Variants in EDA2R observed in about 807,000 individuals in gnomAD.
EDA2R encodes ectodysplasin A2 receptor.
In EDA2R, 26 loss-of-function variants were observed where a neutral mutation model predicts 20.1. The ratio of observed to expected loss-of-function variants is 1.30; its 90% CI spans 0.95 to 1.80. EDA2R has a LOEUF of 1.80. Among genes scored for constraint, EDA2R ranks in the 40% most tolerant of loss-of-function variants. The probability of loss-of-function intolerance (pLI) is 0.00; values close to 1 mark genes in which losing one functional copy is unlikely to be tolerated. For synonymous variants in EDA2R, 114 were observed against 88.7 expected (o/e 1.29, Z -1.60); for missense variants, 277 against 228.7 (o/e 1.21, Z -1.36).
In EDA2R at chrX:66,620,965, CAA is replaced by C. The variant is rs376190384; in HGVS notation, c.-10-4937_-10-4936del. ...TAAAACAGCACTTTATATCCACTAC[CAA>C]AAAAAAAAAAAAAAAAAAAAAATAG... On this transcript the variant is annotated intron_variant, in intron 1 of 6. Coordinates refer to ENST00000374719, the MANE Select transcript of EDA2R (RefSeq NM_021783.5). 5.6e-3 allele frequency among the ~76,000 whole-genome samples: 311 copies of C among 55,269 alleles called. 6 individuals are homozygous for C. Among genetic ancestry groups the C allele is most frequent in the African/African-American group, 0.016 (295 of 17,933 alleles). 48.0% of individuals were successfully genotyped at this position (55,269 alleles called of 115,157 possible). A position where few individuals can be genotyped will look rare whatever the true frequency, so the allele number is the denominator to read the frequency against.
intron 6 of EDA2R, 120 bp downstream of exon 6, chrX:66,599,354 C>A: frequency 1.2e-6 from 1 of 837,005 alleles, no homozygotes. Flanking sequence ...GTGTTCCTAG[C>A]TTGCTGCTGT....
chrX:66,633,710 A>C (rs1934064221), intron 1 of EDA2R, among the ~76,000 whole-genome samples: 1 of 111,661 alleles, frequency 9.0e-6, no homozygotes. Flanking sequence ...TCATGTACCA[A>C]TCACCACAAG....
At chrX:66,606,656 A>T (rs1929732741) in intron 2 of EDA2R, among the ~76,000 whole-genome samples, 4 of 112,243 alleles carry the variant, frequency 3.6e-5, no homozygotes, top group African/African-American at 1.3e-4. Context: ...CTTGAAAATA[A>T]TAGGAAAGTT....
chrX:66,635,323 G>C (rs1220054585), intron 1 of EDA2R, among the ~76,000 whole-genome samples: 1 of 112,281 alleles, frequency 8.9e-6, no homozygotes, highest in East Asian at 2.8e-4. Flanking sequence ...CAAAATAATA[G>C]TAGTCGTATT....
intron 1 of EDA2R, among the ~76,000 whole-genome samples, chrX:66,635,988 A>T (rs1385849168): frequency 9.1e-6 from 1 of 110,349 alleles, no homozygotes; most frequent in Non-Finnish European, 1.9e-5. Flanking sequence ...GCAGCCTCAA[A>T]CTCCTGGGCT....
chrX:66,599,333 C>T, intron 6 of EDA2R, 141 bp downstream of exon 6: 1 of 674,490 alleles, frequency 1.5e-6, no homozygotes, highest in Non-Finnish European at 2.1e-6. Flanking sequence ...ACTGTTGCCC[C>T]TCCACCCAAA....
At chrX:66,625,589 C>T (rs1000946001) in intron 1 of EDA2R, among the ~76,000 whole-genome samples, 1 of 111,507 alleles carries the variant, frequency 9.0e-6, no homozygotes, top group Non-Finnish European at 1.9e-5. Context: ...ACCATGGTAG[C>T]TGAAGACAAA....
chrX:66,598,170 A>C, intron 6 of EDA2R, 77 bp from the exon 7 acceptor site: 1 of 362,964 alleles, frequency 2.8e-6, no homozygotes, highest in Non-Finnish European at 4.4e-6. Context: ...CCCTCCAAAT[A>C]TCATAGGTTA....
intron 1 of EDA2R, among the ~76,000 whole-genome samples, chrX:66,636,939 AACACACACAC>A (rs35284589): frequency 2.0e-5 from 2 of 99,839 alleles, no homozygotes; most frequent in Non-Finnish European, 4.1e-5. Flanking sequence ...CTGTGTGTAA[AACACACACAC>A]ACACACACAC....
chrX:66,602,146 C>T (rs775519506), intron 5 of EDA2R, among the ~76,000 whole-genome samples: 1 of 111,308 alleles, frequency 9.0e-6, no homozygotes, highest in Non-Finnish European at 1.9e-5. Flanking sequence ...TCAGATATAG[C>T]CAAGCCTTCC....
intron 1 of EDA2R, among the ~76,000 whole-genome samples, chrX:66,637,068 C>A (rs911873981): frequency 9.0e-6 from 1 of 111,597 alleles, no homozygotes; most frequent in Non-Finnish European, 1.9e-5. Flanking sequence ...ATAGCAGACC[C>A]AGGACTTGAA....
rs1927751501 is a variant in EDA2R, at chrX:66,597,927, C to G, written c.*177G>C. The G allele has an allele frequency of 3.1e-6, 2 of 642,242 alleles. No homozygotes were observed. The highest frequency in any genetic ancestry group is 6.2e-4 in the Middle Eastern group (1 of 1,619). The allele number at this position is 642,242 out of a possible 1,213,427, so 52.9% of individuals were successfully genotyped here. On this transcript the variant is annotated 3_prime_UTR_variant, in exon 7 of 7. Transcript: ENST00000374719. The stretch of plus-strand genomic sequence containing the variant: ...GAAGCAAGAAATGCTCCAGATCAGT[C>G]CTTGTGAAATGGAGAATCAATCCTC...
chrX:66,600,157 T>C, intron 5 of EDA2R: 2 of 870,073 alleles, frequency 2.3e-6, no homozygotes, highest in Non-Finnish European at 3.2e-6. Flanking sequence ...TGCCATAATC[T>C]TCATGGCCTG....
rs932574222 is a variant in EDA2R at position 66,599,624 on chromosome X, T to G, written c.754A>C (p.Ile252Leu). 4.2e-6 allele frequency: 5 copies of G among 1,203,207 alleles called. No homozygotes were observed. Among genetic ancestry groups the G allele is most frequent in the African/African-American group, 1.8e-5 (1 of 56,747 alleles). ...TGCAGGTCCAGCTCTGTGCATTCGA[T>G]GGGGCTGTGGACCCAGTGGGAGTGG... ...ESHSHWVHSPIECTELDLQKF... is the reference protein window; with the variant it reads ...ESHSHWVHSPLECTELDLQKF... The change falls in exon 6 of 7, where the codon ATC becomes CTC. Residue 252 changes from isoleucine (I) to leucine (L), a missense_variant. Physicochemically the swap from Ile to Leu is conservative, Grantham distance 5. Transcript: ENST00000374719.
chrX:66,625,518 A>T, intron 1 of EDA2R, among the ~76,000 whole-genome samples: 1 of 111,162 alleles, frequency 9.0e-6, no homozygotes, highest in Non-Finnish European at 1.9e-5. Flanking sequence ...AGACCTATCC[A>T]AGGAGAGTCT....
intron 1 of EDA2R, among the ~76,000 whole-genome samples, chrX:66,624,496 G>A (rs765438653): frequency 4.5e-5 from 5 of 111,932 alleles, no homozygotes; most frequent in Non-Finnish European, 9.4e-5. Context: ...TCCAGCCTGG[G>A]CAACAGAGCA....
rs781582663 is a variant in EDA2R, at chrX:66,605,046, A to G, written c.266+2T>C. On this transcript the variant is annotated splice_donor_variant, in intron 3 of 6. Coordinates refer to ENST00000374719, the MANE Select transcript of EDA2R (RefSeq NM_021783.5). LOFTEE classifies it high-confidence loss of function. ...AAGCTTGGTCTCATAAAGCAAGCTCACCTGGGCAAACAGTCCCCACAGACA... is the reference window on the plus strand; with the variant it reads ...AAGCTTGGTCTCATAAAGCAAGCTCGCCTGGGCAAACAGTCCCCACAGACA... 1.7e-6 allele frequency: 2 copies of G among 1,195,843 alleles called. No individual in the cohort carries two copies. The highest frequency in any genetic ancestry group is 2.3e-6 in the Non-Finnish European group (2 of 887,830).
At position 66,615,979 on chromosome X, in the gene EDA2R, C is replaced by T; in HGVS notation, c.42G>A (p.Arg14=). 1 of 1,210,668 alleles carries T rather than the reference C, an allele frequency of 8.3e-7. No individual in the cohort carries two copies. Among genetic ancestry groups the T allele is most frequent in the Non-Finnish European group, 1.1e-6 (1 of 894,841 alleles). The change falls in exon 2 of 7, where the codon CGG becomes CGA. Residue 14 remains arginine, a synonymous_variant. Coordinates refer to ENST00000374719, the MANE Select transcript of EDA2R (RefSeq NM_021783.5). ...GACCACACCGTTGGCAGGTGACACA[C>T]CGTCCCCATTGGTCCCAGTACTCAT... ...QENEYWDQWG[R]CVTCQRCGPG... is the part of the protein sequence containing the mutation.
chrX:66,617,085 T>C (rs1931815896), intron 1 of EDA2R, among the ~76,000 whole-genome samples: 1 of 112,190 alleles, frequency 8.9e-6, no homozygotes, highest in African/African-American at 3.2e-5. Flanking sequence ...TACTTACTCA[T>C]GACTTCATAC....
Sources: allele counts gnomAD v4.1 joint callset (sites outside exome capture counted in the v4.1 genomes callset), GRCh38; gene constraint gnomAD v4.1.1; transcripts MANE v1.5; gene names NCBI Gene and HGNC (gene_info 2026-07-23, HGNC 2026-07-21).